Variants in APOB observed in about 807,000 individuals in gnomAD.
APOB encodes apolipoprotein B.
In APOB, 153 loss-of-function variants were observed where a neutral mutation model predicts 314.1. That is an observed-to-expected ratio of 0.49 (90% CI 0.43 to 0.56). The LOEUF (loss-of-function observed/expected upper bound fraction) is 0.56. Ranked by LOEUF, APOB falls within the 20% of genes least tolerant of loss-of-function variation. The pLI is 0.00. For synonymous variants in APOB, 2,087 were observed against 2,036.4 expected (o/e 1.02, Z -0.67); for missense variants, 5,430 against 5,350.7 (o/e 1.01, Z -0.46).
chr2:21,006,427 G>A lies in APOB; in HGVS notation c.10441C>T (p.Leu3481Phe), dbSNP rs1572778534. The change falls in exon 26 of 29, where the codon CTT becomes TTT. Residue 3481 changes from leucine to phenylalanine, a missense_variant. Physicochemically the swap from Leu to Phe is conservative, Grantham distance 22. Transcript: ENST00000233242. ...TAAGAGGTGAGGCTTTCCAAGCTAA[G>A]CTTGTGGTCAACTGCTCCTTTAGCG... ...STAKGAVDHK[L>F]SLESLTSYFS... is the part of the protein sequence containing the mutation. 6.2e-7 allele frequency: 1 copy of A among 1,614,072 alleles called. No homozygotes were observed. Among genetic ancestry groups the A allele is most frequent in the Non-Finnish European group, 8.5e-7 (1 of 1,179,978 alleles).
At position 21,016,573 on chromosome 2, in the gene APOB, A is replaced by C; in HGVS notation, c.3198T>G (p.Ile1066Met). Residue 1066 changes from isoleucine (I) to methionine (M), a missense_variant, in exon 21 of 29, where the codon ATT (isoleucine) becomes ATG (methionine). Ile to Met is a conservative substitution (Grantham distance 10). Transcript: ENST00000233242. ...QSMTLSSEVQ[I>M]PDFDVDLGTI... ...TTCCGAGGTCAACATCAAAATCCGGAATTTGGACTTCACTGGACAAGGTCA... is the reference window on the plus strand; with the variant it reads ...TTCCGAGGTCAACATCAAAATCCGGCATTTGGACTTCACTGGACAAGGTCA... 6.2e-7 allele frequency: 1 copy of C among 1,612,002 alleles called. No individual in the cohort carries two copies. The highest frequency in any genetic ancestry group is 1.3e-5 in the African/African-American group (1 of 74,972).
chr2:21,017,777 T>A (rs1663514598), intron 20 of APOB, among the ~76,000 whole-genome samples: 1 of 152,204 alleles, frequency 6.6e-6, no homozygotes, highest in African/African-American at 2.4e-5. Flanking sequence ...TTTTATATCC[T>A]TCGTAAAACA....
Position 21,005,305 on chromosome 2 carries a change from T to C in APOB, c.11563A>G (p.Ile3855Val), listed in dbSNP as rs762255105. ...NKIADFELPTIIVPEQTIEIP... is the reference protein window; with the variant it reads ...NKIADFELPTVIVPEQTIEIP... ...TCAATGGTCTGCTCAGGCACGATGA[T>C]GGTGGGCAACTCAAAGTCTGCGATC... The change falls in exon 26 of 29, where the codon ATC (isoleucine) becomes GTC (valine). Residue 3855 changes from isoleucine (I) to valine (V), a missense_variant. Transcript: ENST00000233242. 6.8e-6 allele frequency: 11 copies of C among 1,613,930 alleles called. No individual in the cohort carries two copies. The highest frequency in any genetic ancestry group is 9.3e-6 in the Non-Finnish European group (11 of 1,179,962).
chr2:21,009,105 G>A lies in APOB; in HGVS notation c.7763C>T (p.Pro2588Leu). The A allele has an allele frequency of 6.2e-7, 1 of 1,614,048 alleles. No homozygotes were observed. The highest frequency in any genetic ancestry group is 8.5e-7 in the Non-Finnish European group (1 of 1,179,950). ...KALVEQGFTVPEIKTILGTMP... is the reference protein window; with the variant it reads ...KALVEQGFTVLEIKTILGTMP... ...GGTCCCAAGGATGGTCTTGATTTCA[G>A]GAACAGTGAACCCTTGCTCTACCAA... Residue 2588 changes from proline (P) to leucine (L), a missense_variant, in exon 26 of 29, where the codon CCT (proline) becomes CTT (leucine). By Grantham distance (98) the Pro-to-Leu change is moderately conservative. Transcript: ENST00000233242.
rs150721027 is a variant in APOB, at chr2:21,009,982, C to G, written c.6886G>C (p.Val2296Leu). 6.2e-6 allele frequency: 10 copies of G among 1,613,840 alleles called. No individual in the cohort carries two copies. The African/African-American group carries it at 1.1e-4, about 17-fold the overall frequency. Residue 2296 changes from valine to leucine, a missense_variant, in exon 26 of 29, where the codon GTG (valine) becomes CTG (leucine). Val to Leu is a conservative substitution (Grantham distance 32, BLOSUM62 1). Around this residue, in one of 3 missense-constraint regions of APOB, gnomAD observed 3,281 missense variants for 3,171.0 expected, o/e 1.03. Coordinates refer to ENST00000233242, the MANE Select transcript of APOB (RefSeq NM_000384.3). ...KQHIEAIDVRVLLDQLGTTIS... is the reference protein window; with the variant it reads ...KQHIEAIDVRLLLDQLGTTIS... ...GTAGTTCCCAATTGATCTAAAAGCACTCTAACATCAATAGCCTCAATGTGT... is the reference window on the plus strand; with the variant it reads ...GTAGTTCCCAATTGATCTAAAAGCAGTCTAACATCAATAGCCTCAATGTGT...
rs1042280204 is a variant in APOB at position 21,034,248 on chromosome 2, C to T, written c.904+568G>A. On this transcript the variant is annotated intron_variant, in intron 8 of 28. Coordinates refer to ENST00000233242, the MANE Select transcript of APOB (RefSeq NM_000384.3). ...ATTCTGCGGCCTTGACTACATCAAACTCTAAGCCTCTCTGTGTCACTGTCT... is the reference window on the plus strand; with the variant it reads ...ATTCTGCGGCCTTGACTACATCAAATTCTAAGCCTCTCTGTGTCACTGTCT... Among the ~76,000 whole-genome samples, 53 of 152,226 alleles carry T rather than the reference C, an allele frequency of 3.5e-4. 1 individual carries two copies. Among genetic ancestry groups the T allele is most frequent in the Admixed American group, 3.3e-3 (50 of 15,286 alleles).
chr2:21,004,604 A>C lies in APOB; in HGVS notation c.11860T>G (p.Phe3954Val). The C allele has an allele frequency of 1.2e-6, 2 of 1,614,002 alleles. No individual in the cohort carries two copies. The highest frequency in any genetic ancestry group is 1.7e-6 in the Non-Finnish European group (2 of 1,179,874). Residue 3954 changes from phenylalanine to valine, a missense_variant, in exon 27 of 29, where the codon TTC (phenylalanine) becomes GTC (valine). Phe to Val is a conservative substitution (Grantham distance 50). Transcript: ENST00000233242. ...KTKGTFAHRDFSAEYEEDGKY... is the reference protein window; with the variant it reads ...KTKGTFAHRDVSAEYEEDGKY... ...CCATCTTCTTCATATTCTGCACTGA[A>C]GTCACGGTGTGCAAATGTTCCTTTA...
Position 21,015,535 on chromosome 2 carries a change from T to C in APOB, c.3343A>G (p.Lys1115Glu). ...ALMGHLSCDTKEERKIKGVIS... is the reference protein window; with the variant it reads ...ALMGHLSCDTEEERKIKGVIS... ...ACACCCTTGATTTTTCTTTCTTCCTTTGTGTCACAACTATGGTAAAGAAAA... is the reference window on the plus strand; with the variant it reads ...ACACCCTTGATTTTTCTTTCTTCCTCTGTGTCACAACTATGGTAAAGAAAA... The change falls in exon 22 of 29, where the codon AAG becomes GAG. Residue 1115 changes from lysine to glutamate, a missense_variant. Physicochemically the swap from Lys to Glu is moderately conservative, Grantham distance 56. Transcript: ENST00000233242. 1 of 1,613,000 alleles carries C rather than the reference T, an allele frequency of 6.2e-7. No individual in the cohort carries two copies. Among genetic ancestry groups the C allele is most frequent in the Non-Finnish European group, 8.5e-7 (1 of 1,180,014 alleles).
rs1663196039 is a variant in APOB at position 21,008,039 on chromosome 2, T to C, written c.8829A>G (p.Glu2943=). ...CTTCTATGGTGAAACTAATTTGTGA[T>C]TCATGTGTTCCCTCATCTGAGAATC... The part of the protein sequence containing the change: ...CPRFSDEGTH[E]SQISFTIEGP... Residue 2943 remains glutamate (E), a synonymous_variant, in exon 26 of 29, where the codon GAA becomes GAG. Transcript: ENST00000233242. The C allele has an allele frequency of 6.2e-7, 1 of 1,614,114 alleles. No homozygotes were observed. The highest frequency in any genetic ancestry group is 8.5e-7 in the Non-Finnish European group (1 of 1,179,958).
At position 21,006,743 on chromosome 2, in the gene APOB, A is replaced by G. The variant is rs1572779011; in HGVS notation, c.10125T>C (p.Asp3375=). The change falls in exon 26 of 29, where the codon GAT becomes GAC. Residue 3375 remains aspartate, a synonymous_variant. Transcript: ENST00000233242. ...HLLSSSSSVI[D]ALQYKLEGTT... is the part of the protein sequence containing the mutation. ...TGCCCTCTAATTTGTACTGCAGTGC[A>G]TCAATGACAGATGAAGATGAAGAAA... The G allele has an allele frequency of 3.1e-6, 5 of 1,614,118 alleles. No individual in the cohort carries two copies. In the South Asian group the frequency reaches 5.5e-5, roughly 18 times the overall value.
intron 1 of APOB, 38 bp downstream of exon 1, chr2:21,043,826 C>A: frequency 2.6e-6 from 4 of 1,534,914 alleles, no homozygotes; most frequent in Non-Finnish European, 3.5e-6. Context: ...CGGCTCCCTC[C>A]CGCTCCCTCT....
intron 14 of APOB, 53 bp downstream of exon 14, chr2:21,027,775 G>T: frequency 7.1e-7 from 1 of 1,411,090 alleles, no homozygotes; most frequent in Non-Finnish European, 1.0e-6. Context: ...GGGACTCTCT[G>T]TTTATGATGC....
At position 21,024,984 on chromosome 2, in the gene APOB, C is replaced by T; in HGVS notation, c.2385G>A (p.Leu795=). The T allele has an allele frequency of 6.2e-7, 1 of 1,614,176 alleles. No homozygotes were observed. Among genetic ancestry groups the T allele is most frequent in the Non-Finnish European group, 8.5e-7 (1 of 1,180,032 alleles). Reference sequence around the variant, plus strand: ...GGGCACCCATCAGAAGCAGCTTTCCCAGGAGCTGGAGGTCATGGAGACTGG... The same window carrying T: ...GGGCACCCATCAGAAGCAGCTTTCCTAGGAGCTGGAGGTCATGGAGACTGG... ...GFASLHDLQL[L]GKLLLMGART... Residue 795 remains leucine (L), a synonymous_variant, in exon 16 of 29, where the codon CTG becomes CTA. Coordinates refer to ENST00000233242, the MANE Select transcript of APOB (RefSeq NM_000384.3).
In APOB at chr2:21,033,412, G is replaced by A. The variant is rs13306200; in HGVS notation, c.1011C>T (p.Ile337=). The change falls in exon 9 of 29, where the codon ATC becomes ATT. Residue 337 remains isoleucine (I), a synonymous_variant. Coordinates refer to ENST00000233242, the MANE Select transcript of APOB (RefSeq NM_000384.3). Reference sequence around the variant, plus strand: ...TAGCTCTCTGGATATTTTGCTCAGAGATGGTTAGTTTTTTCAGTTCCTGGA... The same window carrying A: ...TAGCTCTCTGGATATTTTGCTCAGAAATGGTTAGTTTTTTCAGTTCCTGGA... The part of the protein sequence containing the change: ...KTLQELKKLT[I]SEQNIQRANL... 2.5e-6 allele frequency: 4 copies of A among 1,614,196 alleles called. No individual in the cohort carries two copies. Among genetic ancestry groups the A allele is most frequent in the East Asian group, 4.5e-5 (2 of 44,876 alleles).
At position 21,011,866 on chromosome 2, in the gene APOB, C is replaced by G. The variant is rs766898429; in HGVS notation, c.5002G>C (p.Glu1668Gln). The change falls in exon 26 of 29, where the codon GAG (glutamate) becomes CAG (glutamine). Residue 1668 changes from glutamate (E) to glutamine (Q), a missense_variant. By Grantham distance (29) the Glu-to-Gln change is conservative. Coordinates refer to ENST00000233242, the MANE Select transcript of APOB (RefSeq NM_000384.3). ...TNLKCSLLVLENELNAELGLS... is the reference protein window; with the variant it reads ...TNLKCSLLVLQNELNAELGLS... ...CCAAGCTCTGCATTCAGCTCATTCT[C>G]CAGCACCAGGAGACTACACTTCAAG... 6 of 1,613,798 alleles carry G rather than the reference C, an allele frequency of 3.7e-6. No homozygotes were observed. In the African/African-American group the frequency reaches 6.7e-5, roughly 18 times the overall value.
In APOB at chr2:21,010,586, G is replaced by A. The variant is rs753672830; in HGVS notation, c.6282C>T (p.Asn2094=). 17 of 1,613,726 alleles carry A rather than the reference G, an allele frequency of 1.1e-5. 1 individual carries two copies. The highest frequency in any genetic ancestry group is 4.4e-5 in the South Asian group (4 of 90,980). ...TGATGTGCTTCAGGTTTCTCTGTAC[G>A]TTTTCCAGTACAACTATAATGGTTT... ...NRQTIIVVLE[N]VQRNLKHINI... is the part of the protein sequence containing the mutation. Residue 2094 remains asparagine (N), a synonymous_variant, in exon 26 of 29, where the codon AAC becomes AAT. Coordinates refer to ENST00000233242, the MANE Select transcript of APOB (RefSeq NM_000384.3).
chr2:21,003,783 T>C (rs1663059563), intron 28 of APOB, among the ~76,000 whole-genome samples: 1 of 152,116 alleles, frequency 6.6e-6, no homozygotes, highest in Non-Finnish European at 1.5e-5. Flanking sequence ...ATGACAAACT[T>C]TTAGTAACAG....
At chr2:21,042,212 C>T (rs923247681) in intron 3 of APOB, 149 bp downstream of exon 3, 2 of 727,374 alleles carry the variant, frequency 2.7e-6, no homozygotes, top group Non-Finnish European at 5.0e-6. Context: ...GGCAAAGTCC[C>T]AGTGCTTTGA....
In APOB at chr2:21,006,997, G is replaced by A. The variant is rs769491475; in HGVS notation, c.9871C>T (p.Arg3291Cys). ...AGGATTAATGTGTATGAAGGCACACGGACGTCAGAACCTAGGATGGAGAAA... is the reference window on the plus strand; with the variant it reads ...AGGATTAATGTGTATGAAGGCACACAGACGTCAGAACCTAGGATGGAGAAA... ...PSFSILGSDV[R>C]VPSYTLILPS... is the part of the protein sequence containing the mutation. The change falls in exon 26 of 29, where the codon CGT (arginine) becomes TGT (cysteine). Residue 3291 changes from arginine (R) to cysteine (C), a missense_variant. Physicochemically the swap from Arg to Cys is radical, Grantham distance 180 (BLOSUM62 -3). This residue lies in a region of APOB where 3,281 missense variants were observed against 3,171.0 expected (regional missense o/e 1.03). Transcript: ENST00000233242. The A allele has an allele frequency of 1.6e-5, 26 of 1,613,936 alleles. No homozygotes were observed. The highest frequency in any genetic ancestry group is 2.0e-5 in the Non-Finnish European group (24 of 1,179,956).
Sources: gnomAD v4.1 joint callset for allele counts (sites outside exome capture counted in the v4.1 genomes callset) on GRCh38, gnomAD v4.1.1 for gene constraint, gnomAD v4.1.1 regional missense constraint, MANE v1.5 for transcripts, NCBI Gene and HGNC (gene_info 2026-07-23, HGNC 2026-07-21) for gene names.